SOX5: variants seen among roughly 807,000 people sequenced by gnomAD.
SOX5 encodes transcription factor SOX-5.
A neutral mutation model predicts 92.0 loss-of-function variants in SOX5; 9 were observed. The ratio of observed to expected loss-of-function variants is 0.10; its 90% CI spans 0.06 to 0.17. The LOEUF is 0.17. Ranked by LOEUF, SOX5 falls within the 10% of genes least tolerant of loss-of-function variation. SOX5 has a pLI of 1.00. For synonymous variants in SOX5, 344 were observed against 336.3 expected (o/e 1.02, Z -0.25); for missense variants, 642 against 944.5 (o/e 0.68, Z 4.20).
At chr12:23,912,909 A>C (rs1224935783) in intron 1 of SOX5, among the ~76,000 whole-genome samples, 1 of 152,246 alleles carries the variant, frequency 6.6e-6, no homozygotes, top group Non-Finnish European at 1.5e-5. Flanking sequence ...ATATTCTAAA[A>C]TTAGATTGTG....
At chr12:23,580,318 T>C (rs1949861772) in intron 9 of SOX5, among the ~76,000 whole-genome samples, 1 of 152,028 alleles carries the variant, frequency 6.6e-6, no homozygotes, top group African/African-American at 2.4e-5. Context: ...CTTCTGAAAT[T>C]CAGTCCTAAC....
At chr12:23,946,614 T>C (rs1378911348) in intron 1 of SOX5, among the ~76,000 whole-genome samples, 2 of 152,006 alleles carry the variant, frequency 1.3e-5, no homozygotes, top group African/African-American at 2.4e-5. Flanking sequence ...GTTAAATATA[T>C]AAATTTATTG....
chr12:24,321,369 ATCAAAT>A, intron 2 of SOX5, among the ~76,000 whole-genome samples: 1 of 152,350 alleles, frequency 6.6e-6, no homozygotes, highest in East Asian at 1.9e-4. Flanking sequence ...TTATATTTGC[ATCAAAT>A]TTTTAAAACT....
At chr12:24,196,903 G>GA (rs1298635162) in intron 4 of SOX5, among the ~76,000 whole-genome samples, 2 of 151,750 alleles carry the variant, frequency 1.3e-5, no homozygotes, top group East Asian at 3.9e-4. Context: ...ACCCTGTCTT[G>GA]AAAAACAAAA....
intron 1 of SOX5, among the ~76,000 whole-genome samples, chr12:24,385,170 G>C (rs768080542): frequency 8.5e-5 from 13 of 152,158 alleles, no homozygotes; most frequent in Non-Finnish European, 1.8e-4. Flanking sequence ...ATATGTAAGA[G>C]AAAACACAGT....
At chr12:24,277,615 A>C (rs1159494042) in intron 2 of SOX5, among the ~76,000 whole-genome samples, 2 of 130,832 alleles carry the variant, frequency 1.5e-5, no homozygotes, top group Admixed American at 7.9e-5. Flanking sequence ...TAAATGTAAT[A>C]AAATTATGGT....
At chr12:24,065,224 G>A (rs962983138) in intron 4 of SOX5, among the ~76,000 whole-genome samples, 1 of 152,120 alleles carries the variant, frequency 6.6e-6, no homozygotes, top group Non-Finnish European at 1.5e-5. Flanking sequence ...TTGTCCTCCA[G>A]TTCTTACCTA....
chr12:23,912,602 A>T (rs1006639780), intron 1 of SOX5, among the ~76,000 whole-genome samples: 4 of 152,214 alleles, frequency 2.6e-5, no homozygotes, highest in Admixed American at 2.6e-4. Context: ...CTGTTAAATG[A>T]TGAATGAAAA....
chr12:23,970,072 T>C (rs898706757), intron 4 of SOX5, among the ~76,000 whole-genome samples: 1 of 152,174 alleles, frequency 6.6e-6, no homozygotes, highest in Non-Finnish European at 1.5e-5. Flanking sequence ...TACTGACATA[T>C]AACACATTCT....
At chr12:24,385,626 T>C (rs1000473067) in intron 1 of SOX5, among the ~76,000 whole-genome samples, 28 of 152,168 alleles carry the variant, frequency 1.8e-4, no homozygotes, top group African/African-American at 6.0e-4. Flanking sequence ...TGGGACGTCA[T>C]GCTGAGTACG....
intron 13 of SOX5, among the ~76,000 whole-genome samples, chr12:23,537,930 T>G (rs939328676): frequency 7.3e-6 from 1 of 136,854 alleles, no homozygotes; most frequent in African/African-American, 2.7e-5. Flanking sequence ...CTGGCAGCCC[T>G]CAGTAGTAAT....
At chr12:23,646,741 G>T (rs1017971784) in intron 7 of SOX5, among the ~76,000 whole-genome samples, 5 of 152,170 alleles carry the variant, frequency 3.3e-5, no homozygotes, top group African/African-American at 1.2e-4. Flanking sequence ...TCATTCATAA[G>T]AAGAAACTCC....
At chr12:23,796,790 A>T (rs899905965) in intron 3 of SOX5, among the ~76,000 whole-genome samples, 4 of 151,022 alleles carry the variant, frequency 2.6e-5, no homozygotes, top group African/African-American at 9.7e-5. Flanking sequence ...ACTCATTCTT[A>T]TATAGTGGTG....
intron 4 of SOX5, among the ~76,000 whole-genome samples, chr12:24,157,962 G>A (rs1404218752): frequency 6.6e-6 from 1 of 151,940 alleles, no homozygotes; most frequent in Admixed American, 6.6e-5. Context: ...CTGTGTTAGT[G>A]TTTACTATTT....
intron 1 of SOX5, among the ~76,000 whole-genome samples, chr12:24,473,956 C>G (rs1945080066): frequency 6.6e-6 from 1 of 152,108 alleles, no homozygotes; most frequent in Non-Finnish European, 1.5e-5. Flanking sequence ...TCATTTAATA[C>G]ATGATAAAGA....
chr12:24,071,709 C>T (rs901615699), intron 4 of SOX5, among the ~76,000 whole-genome samples: 2 of 152,196 alleles, frequency 1.3e-5, no homozygotes, highest in African/African-American at 2.4e-5. Context: ...GCTGGGATTA[C>T]AGGCATGAGC....
intron 1 of SOX5, among the ~76,000 whole-genome samples, chr12:24,536,679 A>G (rs1330968009): frequency 6.6e-6 from 1 of 152,212 alleles, no homozygotes; most frequent in East Asian, 1.9e-4. Flanking sequence ...GTACTCCTGC[A>G]TTACAATCCT....
chr12:23,730,922 G>T (rs762669509), intron 6 of SOX5, among the ~76,000 whole-genome samples: 1 of 152,156 alleles, frequency 6.6e-6, no homozygotes, highest in East Asian at 1.9e-4. Context: ...ACATTATGCC[G>T]GGGTGTGTTG....
chr12:24,020,549 G>A (rs1954161991), intron 4 of SOX5, among the ~76,000 whole-genome samples: 1 of 152,060 alleles, frequency 6.6e-6, no homozygotes, highest in South Asian at 2.1e-4. Context: ...GCTATCATTC[G>A]GCCTTAATTA....
Sources: gnomAD v4.1 joint callset for allele counts (sites outside exome capture counted in the v4.1 genomes callset) on GRCh38, gnomAD v4.1.1 for gene constraint, MANE v1.5 for transcripts, NCBI Gene and HGNC (gene_info 2026-07-23, HGNC 2026-07-21) for gene names.